Variants in CRTAC1 observed in about 807,000 individuals in gnomAD.
CRTAC1 encodes the protein cartilage acidic protein 1.
Under a neutral mutation model 67.8 loss-of-function variants are expected in CRTAC1, and 37 were observed. The observed-to-expected ratio is 0.55, with a 90% CI of 0.42 to 0.72. The LOEUF is 0.72. Among genes scored for constraint, CRTAC1 ranks in the 30% least tolerant of loss-of-function variants. The pLI is 0.00. For synonymous variants in CRTAC1, 348 were observed against 371.0 expected (o/e 0.94, Z 0.71); for missense variants, 780 against 931.6 (o/e 0.84, Z 2.12).
intron 1 of CRTAC1, among the ~76,000 whole-genome samples, chr10:98,012,111 G>A (rs1455735863): frequency 6.6e-6 from 1 of 152,210 alleles, no homozygotes; most frequent in Non-Finnish European, 1.5e-5. Flanking sequence ...GGATCTGGCG[G>A]ATAGCACATC....
intron 2 of CRTAC1, among the ~76,000 whole-genome samples, chr10:97,940,666 G>A (rs939491739): frequency 1.4e-4 from 22 of 152,334 alleles, no homozygotes; most frequent in Non-Finnish European, 2.4e-4. Flanking sequence ...CCTGGGGGTG[G>A]GGTCCTGGCC....
At chr10:97,906,927 T>C (rs2050620201) in intron 6 of CRTAC1, among the ~76,000 whole-genome samples, 2 of 152,164 alleles carry the variant, frequency 1.3e-5, no homozygotes, top group Admixed American at 1.3e-4. Flanking sequence ...TGCAGGACCC[T>C]TGATCTCTGT....
rs764396203 is a variant in CRTAC1, at chr10:97,895,978, C to T, written c.1224G>A (p.Val408=). 6.8e-6 allele frequency: 11 copies of T among 1,613,978 alleles called. No individual in the cohort carries two copies. In the East Asian group the frequency reaches 2.2e-4, roughly 33 times the overall value. Residue 408 remains valine (V), a synonymous_variant, in exon 10 of 15, where the codon GTG becomes GTA. Coordinates refer to ENST00000370597, the MANE Select transcript of CRTAC1 (RefSeq NM_018058.7). This position sits in a 1 kb window ranked among gnomAD's most constrained non-coding sequence, Gnocchi z 4.2. ...LEPEGRGTGG[V]VTDFDGDGML... Reference sequence around the variant, plus strand: ...TCCCGTCTCCGTCGAAGTCGGTCACCACACCCCCTACAAACAATGCAGATT... The same window carrying T: ...TCCCGTCTCCGTCGAAGTCGGTCACTACACCCCCTACAAACAATGCAGATT...
chr10:97,939,421 A>G (rs1450247149), intron 2 of CRTAC1, among the ~76,000 whole-genome samples: 1 of 152,092 alleles, frequency 6.6e-6, no homozygotes, highest in Admixed American at 6.5e-5. Context: ...GTAGCTTGGG[A>G]TGCATCCTGA....
chr10:97,989,334 T>C (rs1408507332), intron 2 of CRTAC1, among the ~76,000 whole-genome samples: 2 of 152,212 alleles, frequency 1.3e-5, no homozygotes, highest in African/African-American at 4.8e-5. Flanking sequence ...GAGAGATGTG[T>C]TGTTAGGTGA....
intron 14 of CRTAC1, among the ~76,000 whole-genome samples, chr10:97,875,005 T>C (rs1317531897): frequency 6.6e-6 from 1 of 152,208 alleles, no homozygotes. Flanking sequence ...TGTTCACAGA[T>C]GTATATCCCA....
chr10:97,909,500 A>C (rs191702850), intron 5 of CRTAC1, among the ~76,000 whole-genome samples: 14 of 152,326 alleles, frequency 9.2e-5, no homozygotes, highest in Non-Finnish European at 1.8e-4. Flanking sequence ...GAGAGGACCA[A>C]ATGAGGTAAG....
intron 2 of CRTAC1, among the ~76,000 whole-genome samples, chr10:97,990,400 A>C (rs970254509): frequency 7.2e-5 from 11 of 152,242 alleles, no homozygotes; most frequent in Non-Finnish European, 1.3e-4. Context: ...TTAAGAAGGC[A>C]TGAACTGTGA....
intron 2 of CRTAC1, among the ~76,000 whole-genome samples, chr10:98,007,220 C>T (rs1842807149): frequency 6.6e-6 from 1 of 152,174 alleles, no homozygotes; most frequent in African/African-American, 2.4e-5. Context: ...GCCACGTTCG[C>T]TTGGATGGCT....
chr10:97,967,930 G>A (rs1324544257), intron 2 of CRTAC1, among the ~76,000 whole-genome samples: 1 of 152,184 alleles, frequency 6.6e-6, no homozygotes, highest in Non-Finnish European at 1.5e-5. Flanking sequence ...CTTCCCGGGG[G>A]CATTCTTTGT....
chr10:97,881,849 G>A (rs926508708), intron 13 of CRTAC1, among the ~76,000 whole-genome samples: 3 of 151,954 alleles, frequency 2.0e-5, no homozygotes, highest in African/African-American at 7.3e-5. Context: ...TGTGACTGCC[G>A]AACTGCTCCT....
intron 2 of CRTAC1, among the ~76,000 whole-genome samples, chr10:97,946,154 C>A (rs1441838824): frequency 6.6e-6 from 1 of 152,120 alleles, no homozygotes; most frequent in Non-Finnish European, 1.5e-5. Flanking sequence ...TCAGGAATTC[C>A]CATAAACTGT....
chr10:97,905,167 A>T (rs547340279), intron 6 of CRTAC1, among the ~76,000 whole-genome samples: 44 of 152,172 alleles, frequency 2.9e-4, no homozygotes, highest in Non-Finnish European at 5.9e-4. Context: ...ACTGGAAGAC[A>T]TTAAGCTGAT....
chr10:98,016,539 G>T (rs1843001950), intron 1 of CRTAC1, among the ~76,000 whole-genome samples: 1 of 152,112 alleles, frequency 6.6e-6, no homozygotes, highest in African/African-American at 2.4e-5. Flanking sequence ...CCAGGAAGTT[G>T]TCAGGTGATA....
rs1477701926 is a variant in CRTAC1 at position 97,965,999 on chromosome 10, A to AT, written c.225-29634dup. 2.6e-5 allele frequency among the ~76,000 whole-genome samples: 4 copies of AT among 152,350 alleles called. No homozygotes were observed. In the South Asian group the frequency reaches 8.3e-4, roughly 32 times the overall value. Reference sequence around the variant, plus strand: ...CCACTTGGGAGCAGCCTGGAGGGACATAAGGCTGGCCTGTTCTAGGTCATT... The same window carrying AT: ...CCACTTGGGAGCAGCCTGGAGGGACATTAAGGCTGGCCTGTTCTAGGTCATT... On this transcript the variant is annotated intron_variant, in intron 2 of 14. Coordinates refer to ENST00000370597, the MANE Select transcript of CRTAC1 (RefSeq NM_018058.7).
At chr10:97,982,004 A>ACTC (rs1014958652) in intron 2 of CRTAC1, among the ~76,000 whole-genome samples, 1 of 152,236 alleles carries the variant, frequency 6.6e-6, no homozygotes, top group Admixed American at 6.5e-5. Context: ...AAATCCCTGT[A>ACTC]CATGAGCTGT....
chr10:97,908,196 C>T (rs2050641449), intron 5 of CRTAC1, 49 bp from the exon 6 acceptor site: 1 of 1,606,852 alleles, frequency 6.2e-7, no homozygotes, highest in Non-Finnish European at 8.5e-7. Flanking sequence ...AGCCCCAGGC[C>T]CACCTGGAGG....
intron 2 of CRTAC1, among the ~76,000 whole-genome samples, chr10:98,010,616 G>T (rs575656113): frequency 2.3e-4 from 35 of 152,220 alleles, no homozygotes; most frequent in Non-Finnish European, 3.1e-4. Context: ...GGGCAACAAG[G>T]CATGCTCAGC....
chr10:98,004,375 C>G (rs1346651746), intron 2 of CRTAC1, among the ~76,000 whole-genome samples: 2 of 152,168 alleles, frequency 1.3e-5, no homozygotes, highest in African/African-American at 4.8e-5. Context: ...TCTACATTGA[C>G]AAAGTTCAGA....
Sources: gnomAD v4.1 joint callset for allele counts (sites outside exome capture counted in the v4.1 genomes callset) on GRCh38, gnomAD v4.1.1 for gene constraint, Gnocchi (gnomAD v3.1) non-coding constraint, MANE v1.5 for transcripts, NCBI Gene and HGNC (gene_info 2026-07-23, HGNC 2026-07-21) for gene names.